MAGI1: variants seen among roughly 807,000 people sequenced by gnomAD.
The protein encoded by MAGI1 is membrane-associated guanylate kinase, WW and PDZ domain-containing protein 1.
A neutral mutation model predicts 139.9 loss-of-function variants in MAGI1; 58 were observed. The ratio of observed to expected loss-of-function variants is 0.41; its 90% confidence interval spans 0.34 to 0.52. MAGI1 has a LOEUF of 0.52. Ranked by LOEUF, MAGI1 falls within the 20% of genes least tolerant of loss-of-function variation. The pLI is 0.12. For missense variants in MAGI1, 1,874 were observed against 1,901.6 expected, an observed-to-expected ratio of 0.99 and a Z score of 0.27; for synonymous variants, 812 against 737.9, an observed-to-expected ratio of 1.10 and a Z score of -1.63.
intron 9 of MAGI1, 75 bp from the exon 10 acceptor site, chr3:65,437,322 T>C (rs765671709): frequency 1.6e-5 from 15 of 909,622 alleles, no homozygotes; most frequent in African/African-American, 1.2e-4. Flanking sequence ...CACCTTATTA[T>C]TAATAATACT....
chr3:65,522,983 A>G (rs1490403824), intron 2 of MAGI1, among the ~76,000 whole-genome samples: 1 of 152,148 alleles, frequency 6.6e-6, no homozygotes, highest in Admixed American at 6.5e-5. Flanking sequence ...TGGGCTTAGT[A>G]TCATTACTAT....
chr3:65,891,132 G>A, intron 1 of MAGI1, among the ~76,000 whole-genome samples: 1 of 151,558 alleles, frequency 6.6e-6, no homozygotes, highest in Non-Finnish European at 1.5e-5. Context: ...AGGATAGCTT[G>A]AGCTCAGGAG....
At chr3:65,819,319 A>G (rs1575602269) in intron 1 of MAGI1, among the ~76,000 whole-genome samples, 3 of 152,146 alleles carry the variant, frequency 2.0e-5, no homozygotes, top group African/African-American at 7.2e-5. Context: ...ACAACAAAAT[A>G]AACAAGGCAT....
chr3:65,520,454 A>G (rs2078100415), intron 2 of MAGI1, among the ~76,000 whole-genome samples: 1 of 152,226 alleles, frequency 6.6e-6, no homozygotes, highest in Non-Finnish European at 1.5e-5. Context: ...CCTGAACCTC[A>G]GTCAGTTACC....
chr3:65,679,114 T>C (rs2087396366), intron 1 of MAGI1, among the ~76,000 whole-genome samples: 1 of 152,196 alleles, frequency 6.6e-6, no homozygotes, highest in South Asian at 2.1e-4. Context: ...AGTGTGTCAA[T>C]TCTGCAGTGA....
rs11715436 is a variant in MAGI1, at chr3:65,547,184, C to A, written c.431-53553G>T. 4.6e-5 allele frequency among the ~76,000 whole-genome samples: 7 copies of A among 152,172 alleles called. No homozygotes were observed. The East Asian group carries it at 5.8e-4, about 13-fold the overall frequency. On this transcript the variant is annotated intron_variant, in intron 2 of 22. Transcript: ENST00000402939. Reference sequence around the variant, plus strand: ...GTGCCAGGCTCTGTGCTGTTTTAAGCGCATCTCTTATGCAAAATAACTCAA... The same window carrying A: ...GTGCCAGGCTCTGTGCTGTTTTAAGAGCATCTCTTATGCAAAATAACTCAA...
intron 1 of MAGI1, among the ~76,000 whole-genome samples, chr3:65,652,135 G>A (rs992690880): frequency 9.2e-5 from 14 of 152,094 alleles, no homozygotes; most frequent in Admixed American, 2.6e-4. Flanking sequence ...GACTAGTCAC[G>A]CCTGTGCAGT....
Position 65,355,487 on chromosome 3 carries a change from G to C in MAGI1, c.*891C>G, listed in dbSNP as rs1940157586. On this transcript the variant is annotated 3_prime_UTR_variant, in exon 23 of 23. Coordinates refer to ENST00000402939, the MANE Select transcript of MAGI1 (RefSeq NM_001033057.2). ...GGGATCTTACGTCTTCCTCACACCA[G>C]GCACACTGTCCCCCCATTCCATCTA... 6.6e-6 allele frequency: 1 copy of C among 152,276 alleles called. No individual in the cohort carries two copies. Among genetic ancestry groups the C allele is most frequent in the Admixed American group, 6.5e-5 (1 of 15,276 alleles). The allele number at this position is 152,276 out of a possible 1,614,324, so 9.4% of individuals were successfully genotyped here.
chr3:65,400,750 ATTTTTTTTTTTTTTTTT>A lies in MAGI1; in HGVS notation c.2199+672_2199+688del, dbSNP rs767598706. 1.9e-3 allele frequency among the ~76,000 whole-genome samples: 114 copies of A among 60,598 alleles called. 1 individual carries two copies. Among genetic ancestry groups the A allele is most frequent in the Middle Eastern group, 0.012 (1 of 84 alleles). 39.8% of individuals were successfully genotyped at this position (60,598 alleles called of 152,430 possible). A position where few individuals can be genotyped will look rare whatever the true frequency, so the allele number is the denominator to read the frequency against. ...GATTGGAAAGGACAGCAAAACATTG[ATTTTTTTTTTTTTTTTT>A]TTTTTTTTTTTTTTTTTTTTTTAAG... On this transcript the variant is annotated intron_variant, in intron 13 of 22. Coordinates refer to ENST00000402939, the MANE Select transcript of MAGI1 (RefSeq NM_001033057.2).
chr3:65,602,999 T>C (rs1476155967), intron 2 of MAGI1, among the ~76,000 whole-genome samples: 1 of 152,158 alleles, frequency 6.6e-6, no homozygotes, highest in Non-Finnish European at 1.5e-5. Flanking sequence ...GACAGAATGG[T>C]TCATTTTCTA....
intron 1 of MAGI1, among the ~76,000 whole-genome samples, chr3:65,981,068 G>A (rs1342527006): frequency 1.4e-5 from 2 of 147,084 alleles, no homozygotes; most frequent in Non-Finnish European, 3.0e-5. Context: ...GGCAGAGGCA[G>A]AAGAATCACT....
At chr3:65,551,761 C>T (rs954322130) in intron 2 of MAGI1, among the ~76,000 whole-genome samples, 1 of 152,222 alleles carries the variant, frequency 6.6e-6, no homozygotes, top group African/African-American at 2.4e-5. Context: ...CTATACAATC[C>T]ACACTAAGCA....
At chr3:65,694,272 A>G (rs979179739) in intron 1 of MAGI1, among the ~76,000 whole-genome samples, 1 of 152,214 alleles carries the variant, frequency 6.6e-6, no homozygotes, top group Non-Finnish European at 1.5e-5. Context: ...TAAATACTTA[A>G]GAAGTGTCAT....
chr3:65,617,825 G>A (rs1203753892), intron 2 of MAGI1, among the ~76,000 whole-genome samples: 3 of 152,158 alleles, frequency 2.0e-5, no homozygotes, highest in Non-Finnish European at 2.9e-5. Context: ...TTGTTCATGC[G>A]TTCAACAAAT....
intron 1 of MAGI1, among the ~76,000 whole-genome samples, chr3:65,678,505 G>C (rs2087349286): frequency 6.6e-6 from 1 of 152,034 alleles, no homozygotes; most frequent in Non-Finnish European, 1.5e-5. Context: ...AAACATAATG[G>C]GATTAAGGGA....
intron 1 of MAGI1, among the ~76,000 whole-genome samples, chr3:65,868,995 C>T (rs1303834833): frequency 6.6e-6 from 1 of 151,982 alleles, no homozygotes; most frequent in Non-Finnish European, 1.5e-5. Flanking sequence ...CTGCCGGGCG[C>T]GGTGGCTCAC....
chr3:65,384,045 C>T (rs1345320529), intron 14 of MAGI1, among the ~76,000 whole-genome samples: 4 of 152,166 alleles, frequency 2.6e-5, no homozygotes, highest in Admixed American at 6.5e-5. Context: ...TCTAAGGATT[C>T]GGAAGTCATG....
At chr3:65,365,629 A>G (rs553722640) in intron 18 of MAGI1, among the ~76,000 whole-genome samples, 2 of 152,322 alleles carry the variant, frequency 1.3e-5, no homozygotes, top group African/African-American at 2.4e-5. Context: ...TGTATTTTTA[A>G]TATTTAATTG....
chr3:65,477,611 C>T (rs768325227), intron 4 of MAGI1, among the ~76,000 whole-genome samples: 1 of 152,034 alleles, frequency 6.6e-6, no homozygotes, highest in Non-Finnish European at 1.5e-5. Flanking sequence ...TTTGGAGTTA[C>T]TATGTAAGGT....
Sources: gnomAD v4.1 joint callset for allele counts (sites outside exome capture counted in the v4.1 genomes callset) on GRCh38, gnomAD v4.1.1 for gene constraint, MANE v1.5 for transcripts, NCBI Gene and HGNC (gene_info 2026-07-23, HGNC 2026-07-21) for gene names.